The following PCOLCE2 variants were observed in gnomAD, a reference collection of about 807,000 sequenced individuals.
PCOLCE2 encodes procollagen C-endopeptidase enhancer 2.
In PCOLCE2, 42 loss-of-function variants were observed where a neutral mutation model predicts 47.0. The observed-to-expected ratio is 0.89, with a 90% CI of 0.70 to 1.16. PCOLCE2 has a LOEUF of 1.16. PCOLCE2 is among the 50% of genes most tolerant of loss of function. The probability of loss-of-function intolerance (pLI) is 0.00; values close to 1 mark genes in which losing one functional copy is unlikely to be tolerated. For missense variants in PCOLCE2, 500 were observed against 526.1 expected, an observed-to-expected ratio of 0.95 and a Z score of 0.49; for synonymous variants, 169 against 191.7, an observed-to-expected ratio of 0.88 and a Z score of 0.98.
intron 6 of PCOLCE2, chr3:142,827,297 G>T: frequency 7.5e-7 from 1 of 1,331,216 alleles, no homozygotes; most frequent in Non-Finnish European, 1.1e-6. Context: ...GTTCCTCTTT[G>T]CCTTATATTT....
intron 2 of PCOLCE2, among the ~76,000 whole-genome samples, chr3:142,850,293 C>G (rs1193677477): frequency 6.6e-6 from 1 of 152,076 alleles, no homozygotes; most frequent in Non-Finnish European, 1.5e-5. Flanking sequence ...AAGTCCTAGC[C>G]ATGAAAAGAA....
chr3:142,831,921 C>G (rs1040459275), intron 5 of PCOLCE2, among the ~76,000 whole-genome samples: 1 of 152,150 alleles, frequency 6.6e-6, no homozygotes, highest in Non-Finnish European at 1.5e-5. Flanking sequence ...ATAAATGTGA[C>G]AGAATCACAG....
chr3:142,861,334 CT>C (rs1234798773), intron 2 of PCOLCE2, among the ~76,000 whole-genome samples: 1 of 152,112 alleles, frequency 6.6e-6, no homozygotes, highest in Non-Finnish European at 1.5e-5. Flanking sequence ...TCTTTGATAA[CT>C]CCCTCCTCTC....
At chr3:142,869,913 T>C (rs1933352775) in intron 2 of PCOLCE2, among the ~76,000 whole-genome samples, 1 of 152,254 alleles carries the variant, frequency 6.6e-6, no homozygotes, top group Non-Finnish European at 1.5e-5. Flanking sequence ...GCATGGGTCA[T>C]AGTCCTATTT....
intron 5 of PCOLCE2, among the ~76,000 whole-genome samples, chr3:142,834,181 C>T (rs928247210): frequency 5.3e-5 from 8 of 152,134 alleles, no homozygotes; most frequent in African/African-American, 1.9e-4. Flanking sequence ...ACCACACTGT[C>T]TTAATTACAA....
At chr3:142,837,462 G>A (rs879573739) in intron 5 of PCOLCE2, among the ~76,000 whole-genome samples, 5 of 139,038 alleles carry the variant, frequency 3.6e-5, no homozygotes, top group Non-Finnish European at 8.0e-5. Context: ...TCTTATCAAT[G>A]TAAATGTAAT....
At chr3:142,833,969 A>AT (rs1008707679) in intron 5 of PCOLCE2, among the ~76,000 whole-genome samples, 12 of 152,112 alleles carry the variant, frequency 7.9e-5, no homozygotes, top group African/African-American at 2.2e-4. Flanking sequence ...TCTGTCATTG[A>AT]TTTTTTGTGT....
At chr3:142,821,455 G>A (rs1275954502) in intron 7 of PCOLCE2, among the ~76,000 whole-genome samples, 2 of 151,914 alleles carry the variant, frequency 1.3e-5, no homozygotes, top group African/African-American at 2.4e-5. Context: ...TGGGGGTTTG[G>A]GCCACTAAGA....
intron 6 of PCOLCE2, 97 bp downstream of exon 6, chr3:142,829,595 A>G: frequency 1.1e-6 from 1 of 902,718 alleles, no homozygotes; most frequent in Non-Finnish European, 1.6e-6. Flanking sequence ...ATTTAACTTT[A>G]ATTTCAAGTA....
intron 2 of PCOLCE2, among the ~76,000 whole-genome samples, chr3:142,859,326 G>A (rs1933134183): frequency 6.6e-6 from 1 of 151,954 alleles, no homozygotes; most frequent in Admixed American, 6.6e-5. Context: ...GCTTCACAAA[G>A]TGCTGAGATT....
intron 8 of PCOLCE2, among the ~76,000 whole-genome samples, 154 bp from the exon 9 acceptor site, chr3:142,818,619 T>A (rs1936978103): frequency 6.6e-6 from 1 of 152,226 alleles, no homozygotes; most frequent in South Asian, 2.1e-4. Context: ...TTTCTTGTTT[T>A]TGCTTTTTAG....
At chr3:142,876,233 C>T (rs906923528) in intron 2 of PCOLCE2, among the ~76,000 whole-genome samples, 6 of 152,182 alleles carry the variant, frequency 3.9e-5, no homozygotes, top group Non-Finnish European at 7.3e-5. Flanking sequence ...CAGGCCATGG[C>T]ACATAAGTGT....
chr3:142,887,651 T>C lies in PCOLCE2; in HGVS notation c.192+18A>G, dbSNP rs79699829. On this transcript the variant is annotated intron_variant, in intron 2 of 8. Coordinates refer to ENST00000295992, the MANE Select transcript of PCOLCE2 (RefSeq NM_013363.4). ...CAACACCCACTTCCAGGAGAATACC[T>C]TTTTAAAAAATGCTTACTGTGATTT... 1.7e-3 allele frequency: 2,254 copies of C among 1,324,730 alleles called. 31 individuals are homozygous for C. The African/African-American group carries it at 0.029, about 17-fold the overall frequency. The allele number at this position is 1,324,730 out of a possible 1,614,324, so 82.1% of individuals were successfully genotyped here.
chr3:142,861,657 G>A (rs1439941175), intron 2 of PCOLCE2, among the ~76,000 whole-genome samples: 7 of 37,772 alleles, frequency 1.9e-4, no homozygotes, highest in Non-Finnish European at 7.9e-4. Context: ...GCTCTGCACT[G>A]TTTCTGTTGC....
intron 2 of PCOLCE2, among the ~76,000 whole-genome samples, chr3:142,869,025 C>T (rs892358015): frequency 2.0e-5 from 3 of 152,174 alleles, no homozygotes; most frequent in African/African-American, 7.2e-5. Flanking sequence ...GGTGCGGTGG[C>T]TCACGCCTGT....
intron 4 of PCOLCE2, among the ~76,000 whole-genome samples, chr3:142,841,100 C>T (rs932534983): frequency 6.7e-6 from 1 of 148,804 alleles, no homozygotes; most frequent in Admixed American, 6.7e-5. Flanking sequence ...AGAAATTAGT[C>T]ACAAAAACTT....
At chr3:142,857,862 G>A (rs1211368164) in intron 2 of PCOLCE2, among the ~76,000 whole-genome samples, 3 of 152,186 alleles carry the variant, frequency 2.0e-5, no homozygotes, top group Non-Finnish European at 4.4e-5. Context: ...GAATCATAGG[G>A]TACTGGGCCC....
At chr3:142,837,513 C>T (rs11712967) in intron 5 of PCOLCE2, among the ~76,000 whole-genome samples, 26,387 of 151,902 alleles carry the variant, frequency 0.17, 2,650 homozygotes, top group Non-Finnish European at 0.23. Flanking sequence ...CAATGAAAAA[C>T]CATAATAATG....
intron 3 of PCOLCE2, among the ~76,000 whole-genome samples, chr3:142,845,513 G>GTCA (rs1937317372): frequency 6.6e-6 from 1 of 152,076 alleles, no homozygotes; most frequent in Non-Finnish European, 1.5e-5. Context: ...ATTTTACAAG[G>GTCA]TCATTTACCT....
Sources: allele counts gnomAD v4.1 joint callset (sites outside exome capture counted in the v4.1 genomes callset), GRCh38; gene constraint gnomAD v4.1.1; transcripts MANE v1.5; gene names NCBI Gene and HGNC (gene_info 2026-07-23, HGNC 2026-07-21).